Variants in TBX15 observed in about 807,000 individuals in gnomAD.
TBX15 encodes the protein T-box transcription factor TBX15.
Under a neutral mutation model 53.9 loss-of-function variants are expected in TBX15, and 18 were observed. The observed-to-expected ratio is 0.33, with a 90% CI of 0.23 to 0.49. The LOEUF (loss-of-function observed/expected upper bound fraction) is 0.49, where lower values mean the gene tolerates loss of function less well. Ranked by LOEUF, TBX15 falls within the 20% of genes least tolerant of loss-of-function variation. The probability of loss-of-function intolerance (pLI) is 0.98; values close to 1 mark genes in which losing one functional copy is unlikely to be tolerated. For missense variants in TBX15, 692 were observed against 749.5 expected (o/e 0.92, Z 0.90); for synonymous variants, 295 against 278.0 (o/e 1.06, Z -0.61).
rs552701685 is a variant in TBX15, at chr1:118,925,632, C to A, written c.522-815G>T. Among the ~76,000 whole-genome samples the A allele has an allele frequency of 2.0e-5, 3 of 152,276 alleles. No homozygotes were observed. The South Asian group carries it at 6.2e-4, about 32-fold the overall frequency. On this transcript the variant is annotated intron_variant, in intron 3 of 7. Coordinates refer to ENST00000369429, the MANE Select transcript of TBX15 (RefSeq NM_001330677.2). ...TCAGTTCTAAAGGACCACATGGGAC[C>A]TGGACCCTGAGAAATAGAGGCACCC...
rs1043573549 is a variant in TBX15, at chr1:118,942,565, T to C, written c.206-10733A>G. 2.0e-5 allele frequency among the ~76,000 whole-genome samples: 3 copies of C among 152,118 alleles called. No individual in the cohort carries two copies. In the East Asian group the frequency reaches 5.8e-4, roughly 29 times the overall value. On this transcript the variant is annotated intron_variant, in intron 1 of 7. Transcript: ENST00000369429. ...TGTTCCCAATGAAATCCCTATTAAG[T>C]CCTAGGGTCACCTCCTGACATCATA...
chr1:118,894,760 G>C (rs1654365537), intron 7 of TBX15, among the ~76,000 whole-genome samples: 1 of 152,090 alleles, frequency 6.6e-6, no homozygotes, highest in African/African-American at 2.4e-5. Context: ...ACTCAGTTTT[G>C]GACATGCTGA....
chr1:118,985,242 A>C (rs1657791564), intron 1 of TBX15, among the ~76,000 whole-genome samples: 1 of 152,132 alleles, frequency 6.6e-6, no homozygotes, highest in African/African-American at 2.4e-5. Context: ...TAAAACAATG[A>C]GGCTCACCCG....
intron 1 of TBX15, among the ~76,000 whole-genome samples, chr1:118,958,470 T>C (rs1293314112): frequency 6.6e-6 from 1 of 152,240 alleles, no homozygotes; most frequent in Non-Finnish European, 1.5e-5. Flanking sequence ...TTGCTTCAGG[T>C]TCCAATATCA....
At position 118,885,623 on chromosome 1, in the gene TBX15, C is replaced by G. The variant is rs1653914563; in HGVS notation, c.1025-107G>C. 3 of 1,379,072 alleles carry G rather than the reference C, an allele frequency of 2.2e-6. No homozygotes were observed. The Admixed American group carries it at 5.9e-5, about 27-fold the overall frequency. 85.4% of individuals were successfully genotyped at this position (1,379,072 alleles called of 1,614,324 possible). Reference sequence around the variant, plus strand: ...GTGCCTTCAAATGTCCAAGATAGGGCTGATTTTTACAGAACCATTTTTCCT... The same window carrying G: ...GTGCCTTCAAATGTCCAAGATAGGGGTGATTTTTACAGAACCATTTTTCCT... On this transcript the variant is annotated intron_variant, in intron 7 of 7. Coordinates refer to ENST00000369429, the MANE Select transcript of TBX15 (RefSeq NM_001330677.2).
At chr1:118,960,616 G>T (rs1448659023) in intron 1 of TBX15, among the ~76,000 whole-genome samples, 1 of 152,202 alleles carries the variant, frequency 6.6e-6, no homozygotes, top group Non-Finnish European at 1.5e-5. Flanking sequence ...TGCAGGGAAG[G>T]CCTGCCAGGG....
At chr1:118,943,595 G>C (rs764232047) in intron 1 of TBX15, among the ~76,000 whole-genome samples, 1 of 152,160 alleles carries the variant, frequency 6.6e-6, no homozygotes, top group South Asian at 2.1e-4. Flanking sequence ...ATGGGCCAGG[G>C]AGCAAACTCT....
At chr1:118,906,093 T>G (rs1407791802) in intron 6 of TBX15, among the ~76,000 whole-genome samples, 1 of 152,166 alleles carries the variant, frequency 6.6e-6, no homozygotes, top group African/African-American at 2.4e-5. Context: ...AATGGACAAC[T>G]TGGACCACAG....
At chr1:118,890,191 C>T (rs116241390) in intron 7 of TBX15, among the ~76,000 whole-genome samples, 2,663 of 152,220 alleles carry the variant, frequency 0.017, 35 homozygotes, top group Non-Finnish European at 0.027. Context: ...TGCCATATTC[C>T]CAAAGGCTAA....
In TBX15 at chr1:118,987,857, C is replaced by G. The variant is rs1194088635; in HGVS notation, c.-62G>C. ...CTACCGAGGGAGCAGCCGGCGCCCT[C>G]AAGCTCTGAGCGCCCACCGGGCCCG... On this transcript the variant is annotated 5_prime_UTR_variant, in exon 1 of 8. Transcript: ENST00000369429. 2 of 1,536,296 alleles carry G rather than the reference C, an allele frequency of 1.3e-6. No individual in the cohort carries two copies. Among genetic ancestry groups the G allele is most frequent in the East Asian group, 2.5e-5 (1 of 40,742 alleles).
chr1:118,979,652 TTC>T (rs373945681), intron 1 of TBX15, among the ~76,000 whole-genome samples: 1 of 152,306 alleles, frequency 6.6e-6, no homozygotes, highest in East Asian at 1.9e-4. Flanking sequence ...TTTTGGTCTG[TTC>T]TGTTTTTTGG....
In TBX15 at chr1:118,885,157, T is replaced by C. The variant is rs902332535; in HGVS notation, c.1384A>G (p.Met462Val). The C allele has an allele frequency of 6.2e-7, 1 of 1,614,056 alleles. No individual in the cohort carries two copies. The highest frequency in any genetic ancestry group is 1.3e-5 in the African/African-American group (1 of 74,926). The change falls in exon 8 of 8, where the codon ATG becomes GTG. Residue 462 changes from methionine (M) to valine (V), a missense_variant. By Grantham distance (21) the Met-to-Val change is conservative (BLOSUM62 1). Transcript: ENST00000369429. ...TPPSLPGNSKMEAYGGQLGSF... is the reference protein window; with the variant it reads ...TPPSLPGNSKVEAYGGQLGSF... ...CCCAGCTGGCCACCGTAGGCTTCCA[T>C]CTTGCTGTTGCCAGGCAACGAGGGA... is the stretch of plus-strand genomic sequence containing the variant.
chr1:118,926,150 C>A (rs908364073), intron 3 of TBX15, among the ~76,000 whole-genome samples: 1 of 152,148 alleles, frequency 6.6e-6, no homozygotes, highest in Non-Finnish European at 1.5e-5. Flanking sequence ...ATTGTTCCAC[C>A]TCTCCTTCCT....
At chr1:118,985,772 G>C (rs760858781) in intron 1 of TBX15, among the ~76,000 whole-genome samples, 3 of 152,190 alleles carry the variant, frequency 2.0e-5, no homozygotes, top group Non-Finnish European at 4.4e-5. Flanking sequence ...AGTTAGTTCT[G>C]TTAGATCTTC....
At chr1:118,914,920 T>C (rs1258899830) in intron 5 of TBX15, among the ~76,000 whole-genome samples, 3 of 152,142 alleles carry the variant, frequency 2.0e-5, no homozygotes, top group South Asian at 2.1e-4. Flanking sequence ...GCACATCCAA[T>C]TGTGTCACCA....
In TBX15 at chr1:118,981,167, A is replaced by G. The variant is rs377100786; in HGVS notation, c.205+6424T>C. On this transcript the variant is annotated intron_variant, in intron 1 of 7. Transcript: ENST00000369429. Reference sequence around the variant, plus strand: ...TGACTTTGGTCACAGTCATCAGTTTATTTACAAGTTAAATGAAAATGCCCA... The same window carrying G: ...TGACTTTGGTCACAGTCATCAGTTTGTTTACAAGTTAAATGAAAATGCCCA... Among the ~76,000 whole-genome samples, 6 of 152,258 alleles carry G rather than the reference A, an allele frequency of 3.9e-5. No individual in the cohort carries two copies. In the East Asian group the frequency reaches 7.7e-4, roughly 20 times the overall value.
intron 1 of TBX15, among the ~76,000 whole-genome samples, chr1:118,985,150 G>GT (rs1259516493): frequency 1.3e-5 from 2 of 151,866 alleles, no homozygotes; most frequent in South Asian, 2.1e-4. Context: ...ACAATTTTTT[G>GT]TTTTTTTCCT....
chr1:118,963,247 A>G (rs1656935775), intron 1 of TBX15, among the ~76,000 whole-genome samples: 1 of 152,240 alleles, frequency 6.6e-6, no homozygotes, highest in Non-Finnish European at 1.5e-5. Flanking sequence ...GTTAAAAAAT[A>G]TAGCAAAAAG....
intron 1 of TBX15, among the ~76,000 whole-genome samples, chr1:118,939,356 T>C (rs1413997496): frequency 7.5e-6 from 1 of 133,712 alleles, no homozygotes; most frequent in Non-Finnish European, 1.5e-5. Context: ...TGCAGTGAGC[T>C]GTGATGGCAT....
Sources: gnomAD v4.1 joint callset for allele counts (sites outside exome capture counted in the v4.1 genomes callset) on GRCh38, gnomAD v4.1.1 for gene constraint, MANE v1.5 for transcripts, NCBI Gene and HGNC (gene_info 2026-07-23, HGNC 2026-07-21) for gene names.